The following IQCH variants were observed in gnomAD, a reference collection of about 807,000 sequenced individuals.
The protein encoded by IQCH is IQ motif containing H, also known as IQ domain-containing protein H.
Under a neutral mutation model 117.0 loss-of-function variants are expected in IQCH, and 98 were observed. That is an observed-to-expected ratio of 0.84 (90% CI 0.71 to 0.99). The LOEUF is 0.99. IQCH is among the 50% of genes least tolerant of loss of function. The pLI is 0.00. For synonymous variants in IQCH, 412 were observed against 448.2 expected (o/e 0.92, Z 1.02); for missense variants, 1,102 against 1,243.8 (o/e 0.89, Z 1.72).
rs1184187214 is a variant in IQCH, at chr15:67,359,429, A to C, written c.715-418A>C. ...TTCAATGGTAAATGTAATTTTTCAC[A>C]TATTTTGTGGGAAGTGTCCTGGGCA... On this transcript the variant is annotated intron_variant, in intron 7 of 20. Transcript: ENST00000335894. The surrounding 1 kb of genome is among the most constrained non-coding windows in gnomAD (Gnocchi z 4.5). Among the ~76,000 whole-genome samples, 2 of 152,106 alleles carry C rather than the reference A, an allele frequency of 1.3e-5. No individual in the cohort carries two copies. Among genetic ancestry groups the C allele is most frequent in the Admixed American group, 6.5e-5 (1 of 15,272 alleles).
chr15:67,290,619 G>T (rs1002230518), intron 4 of IQCH, among the ~76,000 whole-genome samples: 7 of 151,896 alleles, frequency 4.6e-5, no homozygotes, highest in Non-Finnish European at 8.8e-5. Flanking sequence ...ACATTTTTTT[G>T]AATAGAAGAA....
Position 67,431,259 on chromosome 15 carries a change from T to C in IQCH, c.2505+9682T>C, listed in dbSNP as rs1186599747. On this transcript the variant is annotated intron_variant, in intron 16 of 20. Coordinates refer to ENST00000335894, the MANE Select transcript of IQCH (RefSeq NM_001031715.3). The surrounding 1 kb of genome is among the most constrained non-coding windows in gnomAD (Gnocchi z 4.8). ...ATATAAAAGTCTCTAAACAAATAGATTGGCAAAGATGCTCTATATGAAAAT... is the reference window on the plus strand; with the variant it reads ...ATATAAAAGTCTCTAAACAAATAGACTGGCAAAGATGCTCTATATGAAAAT... Among the ~76,000 whole-genome samples the C allele has an allele frequency of 6.6e-6, 1 of 152,190 alleles. No individual in the cohort carries two copies. The highest frequency in any genetic ancestry group is 1.5e-5 in the Non-Finnish European group (1 of 68,024).
chr15:67,421,464 G>T lies in IQCH; in HGVS notation c.2392G>T (p.Val798Phe), dbSNP rs2081740275. The T allele has an allele frequency of 1.6e-5, 26 of 1,614,158 alleles. No homozygotes were observed. The highest frequency in any genetic ancestry group is 2.1e-5 in the Non-Finnish European group (25 of 1,180,032). Residue 798 changes from valine (V) to phenylalanine (F), a missense_variant, in exon 16 of 21, where the codon GTT (valine) becomes TTT (phenylalanine). Coordinates refer to ENST00000335894, the MANE Select transcript of IQCH (RefSeq NM_001031715.3). ...GCCTCAGACCTCAGTGGATCCCCAA[G>T]TTCTCACTTATTTGTGCCTCCAAAT... Reference protein sequence around the residue: ...TVPQTSVDPQVLTYLCLQIGK... With the variant: ...TVPQTSVDPQFLTYLCLQIGK...
chr15:67,284,566 T>G (rs1475469389), intron 4 of IQCH, among the ~76,000 whole-genome samples: 5 of 152,178 alleles, frequency 3.3e-5, no homozygotes, highest in Non-Finnish European at 7.4e-5. Context: ...ACCCAGGTAT[T>G]AAGCCTAGTA....
At chr15:67,434,586 C>A (rs187460399) in intron 16 of IQCH, among the ~76,000 whole-genome samples, 1 of 152,232 alleles carries the variant, frequency 6.6e-6, no homozygotes, top group Non-Finnish European at 1.5e-5. Flanking sequence ...GATATCTCTT[C>A]AAGATTTTAT....
At chr15:67,346,023 C>A (rs1299488785) in intron 6 of IQCH, among the ~76,000 whole-genome samples, 1 of 151,372 alleles carries the variant, frequency 6.6e-6, no homozygotes, top group African/African-American at 2.4e-5. Flanking sequence ...GGACTAGACA[C>A]AAATTAAATG....
chr15:67,320,280 G>A (rs1968053692), intron 4 of IQCH, among the ~76,000 whole-genome samples: 1 of 152,220 alleles, frequency 6.6e-6, no homozygotes, highest in Admixed American at 6.5e-5. Context: ...AATGCCTAGA[G>A]ACTGGCACAC....
At chr15:67,269,394 A>G (rs528870090) in intron 3 of IQCH, among the ~76,000 whole-genome samples, 4 of 152,310 alleles carry the variant, frequency 2.6e-5, no homozygotes, top group South Asian at 4.1e-4. Context: ...TTCAAGGTAC[A>G]TGGGATAATT....
At chr15:67,449,769 T>C (rs1352842862) in intron 16 of IQCH, among the ~76,000 whole-genome samples, 5 of 152,194 alleles carry the variant, frequency 3.3e-5, no homozygotes, top group African/African-American at 9.6e-5. Context: ...AAGAAAGTCA[T>C]TGGTAGCTTG....
At chr15:67,353,988 A>G (rs2140724677) in intron 6 of IQCH, among the ~76,000 whole-genome samples, 1 of 152,282 alleles carries the variant, frequency 6.6e-6, no homozygotes, top group Admixed American at 6.5e-5. Context: ...ACACACTCAC[A>G]TACTCTAATA....
At chr15:67,336,178 T>C (rs923472543) in intron 4 of IQCH, among the ~76,000 whole-genome samples, 1 of 152,146 alleles carries the variant, frequency 6.6e-6, no homozygotes, top group African/African-American at 2.4e-5. Flanking sequence ...CCTAGTTCCC[T>C]TGGAAGTTAT....
chr15:67,483,378 G>A (rs909010629), intron 18 of IQCH, among the ~76,000 whole-genome samples: 4 of 152,130 alleles, frequency 2.6e-5, no homozygotes, highest in Admixed American at 6.5e-5. Context: ...TTATCTGGGC[G>A]TGATGGCCCA....
intron 4 of IQCH, among the ~76,000 whole-genome samples, chr15:67,319,962 T>A (rs960310984): frequency 2.2e-4 from 34 of 152,260 alleles, no homozygotes; most frequent in Non-Finnish European, 4.3e-4. Context: ...ATTTTTTTAA[T>A]GGACCGTATT....
At position 67,364,453 on chromosome 15, in the gene IQCH, T is replaced by G. The variant is rs1488206120; in HGVS notation, c.753+4568T>G. ...AATTCTTGTGGAACAATTTTTCTTG[T>G]AATTACCGAGAAAAACTACAAGGAC... is the stretch of plus-strand genomic sequence containing the variant. On this transcript the variant is annotated intron_variant, in intron 8 of 20. Transcript: ENST00000335894. The surrounding 1 kb of genome is among the most constrained non-coding windows in gnomAD (Gnocchi z 4.1). 6.6e-6 allele frequency among the ~76,000 whole-genome samples: 1 copy of G among 152,212 alleles called. No homozygotes were observed. The highest frequency in any genetic ancestry group is 2.4e-5 in the African/African-American group (1 of 41,460).
chr15:67,462,382 C>T (rs111769314), intron 16 of IQCH, among the ~76,000 whole-genome samples: 10 of 150,552 alleles, frequency 6.6e-5, no homozygotes, highest in Admixed American at 2.0e-4. Flanking sequence ...GAGCCAAGTT[C>T]GCACCACTGC....
At chr15:67,327,711 T>C (rs1031097005) in intron 4 of IQCH, among the ~76,000 whole-genome samples, 10 of 152,194 alleles carry the variant, frequency 6.6e-5, no homozygotes, top group African/African-American at 2.4e-4. Flanking sequence ...TTGCTGTGGT[T>C]GGTAGCAGCT....
chr15:67,329,997 C>T (rs1596194176), intron 4 of IQCH, among the ~76,000 whole-genome samples: 1 of 152,124 alleles, frequency 6.6e-6, no homozygotes, highest in East Asian at 1.9e-4. Context: ...CTGGCAGTTC[C>T]ACAATGTCAG....
At chr15:67,276,905 C>G (rs1208129965) in intron 3 of IQCH, among the ~76,000 whole-genome samples, 1 of 152,146 alleles carries the variant, frequency 6.6e-6, no homozygotes, top group African/African-American at 2.4e-5. Flanking sequence ...CATTATTACT[C>G]AAATATTTCT....
rs751036390 is a variant in IQCH, at chr15:67,254,853, T to C, written c.-44T>C. On this transcript the variant is annotated 5_prime_UTR_variant, in exon 1 of 21. Transcript: ENST00000335894. ...GGCTCCGGCTGAAGGTTTCCGTGCTTGGAAACCGCGCCTCCGCGGAGGTAG... is the reference window on the plus strand; with the variant it reads ...GGCTCCGGCTGAAGGTTTCCGTGCTCGGAAACCGCGCCTCCGCGGAGGTAG... The C allele has an allele frequency of 6.9e-6, 11 of 1,595,848 alleles. No homozygotes were observed. The highest frequency in any genetic ancestry group is 9.4e-6 in the Non-Finnish European group (11 of 1,167,678).
Sources: allele counts gnomAD v4.1 joint callset (sites outside exome capture counted in the v4.1 genomes callset), GRCh38; gene constraint gnomAD v4.1.1; non-coding constraint Gnocchi (gnomAD v3.1); transcripts MANE v1.5; gene names NCBI Gene and HGNC (gene_info 2026-07-23, HGNC 2026-07-21).